Variants in TRRAP observed in about 807,000 individuals in gnomAD.
TRRAP encodes transformation/transcription domain associated protein.
In TRRAP, 41 loss-of-function variants were observed where a neutral mutation model predicts 438.8. The observed-to-expected ratio is 0.09, with a 90% CI of 0.07 to 0.12. TRRAP has a LOEUF of 0.12. Among genes scored for constraint, TRRAP ranks in the 10% least tolerant of loss-of-function variants. The pLI is 1.00. For synonymous variants in TRRAP, 1,994 were observed against 1,962.9 expected (o/e 1.02, Z -0.42); for missense variants, 3,122 against 5,055.1 (o/e 0.62, Z 11.60).
chr7:98,916,034 C>A (rs1047305557), intron 19 of TRRAP, 146 bp downstream of exon 19: 10 of 1,095,126 alleles, frequency 9.1e-6, no homozygotes, highest in African/African-American at 1.6e-5. Context: ...CGCCCCCCTG[C>A]CCCCCTCCCC....
At chr7:99,008,639 G>A in intron 70 of TRRAP, 78 bp downstream of exon 70, 3 of 1,497,466 alleles carry the variant, frequency 2.0e-6, no homozygotes, top group South Asian at 1.2e-5. Flanking sequence ...AGACAGGGGT[G>A]TTTAGGAGAT....
intron 51 of TRRAP, among the ~76,000 whole-genome samples, chr7:98,968,612 G>C (rs921708657): frequency 6.6e-6 from 1 of 152,152 alleles, no homozygotes; most frequent in African/African-American, 2.4e-5. Flanking sequence ...GTGCTGTGCA[G>C]GTAGTTCTCG....
At position 98,981,976 on chromosome 7, in the gene TRRAP, C is replaced by T; in HGVS notation, c.8826+16C>T. 1 of 1,555,340 alleles carries T rather than the reference C, an allele frequency of 6.4e-7. No individual in the cohort carries two copies. The highest frequency in any genetic ancestry group is 8.7e-7 in the Non-Finnish European group (1 of 1,152,822). The stretch of plus-strand genomic sequence containing the variant: ...TCTCCTACAGGTGCGTGCGGTGCCC[C>T]CATGCGAGCACAGGCCTGTGGCCTG... On this transcript the variant is annotated intron_variant, in intron 59 of 72. Transcript: ENST00000456197.
chr7:98,934,261 G>T (rs140521747), intron 27 of TRRAP, among the ~76,000 whole-genome samples: 184 of 152,228 alleles, frequency 1.2e-3, no homozygotes, highest in African/African-American at 3.8e-3. Flanking sequence ...AGTATACCGC[G>T]GCAAAAATCA....
intron 14 of TRRAP, among the ~76,000 whole-genome samples, chr7:98,909,419 A>G (rs548481107): frequency 6.6e-6 from 1 of 152,256 alleles, no homozygotes; most frequent in Admixed American, 6.5e-5. Flanking sequence ...GGCTCCCCAG[A>G]TGCTTCACTT....
intron 67 of TRRAP, among the ~76,000 whole-genome samples, chr7:99,001,610 G>A (rs1429415551): frequency 6.6e-6 from 1 of 152,188 alleles, no homozygotes; most frequent in Admixed American, 6.5e-5. Context: ...TCAAAGTGCA[G>A]TGGGTCTCAG....
chr7:99,008,709 G>A (rs1377633898), intron 70 of TRRAP, 148 bp downstream of exon 70: 1 of 896,762 alleles, frequency 1.1e-6, no homozygotes, highest in Admixed American at 2.8e-5. Context: ...AGACTCATGA[G>A]ATGGTGGAAA....
chr7:98,946,889 A>G (rs1554417030), intron 33 of TRRAP, among the ~76,000 whole-genome samples: 5 of 152,234 alleles, frequency 3.3e-5, no homozygotes, highest in Admixed American at 6.5e-5. Flanking sequence ...GAATGTTATA[A>G]TTTCAGGATA....
Position 98,949,684 on chromosome 7 carries a change from G to A in TRRAP, c.4978G>A (p.Asp1660Asn), listed in dbSNP as rs1554417737. ...GATCATAAGCATTATAGTGAAAAAC[G>A]ATGACTCCTGGCTGGCCAGCCAGCA... ...IKIISIIVKNDDSWLASQHSL... is the reference protein window; with the variant it reads ...IKIISIIVKNNDSWLASQHSL... The change falls in exon 37 of 73, where the codon GAT (aspartate) becomes AAT (asparagine). Residue 1660 changes from aspartate to asparagine, a missense_variant. Coordinates refer to ENST00000456197, the MANE Select transcript of TRRAP (RefSeq NM_001375524.1). The A allele has an allele frequency of 7.4e-6, 12 of 1,613,468 alleles. No homozygotes were observed. Among genetic ancestry groups the A allele is most frequent in the South Asian group, 6.6e-5 (6 of 91,048 alleles).
chr7:98,955,733 G>C (rs1469500466), intron 41 of TRRAP, among the ~76,000 whole-genome samples: 2 of 152,184 alleles, frequency 1.3e-5, no homozygotes, highest in African/African-American at 4.8e-5. Flanking sequence ...ATTTGGGGTA[G>C]AAGAGAAAGG....
intron 29 of TRRAP, 26 bp downstream of exon 29, chr7:98,937,303 C>T (rs201398186): frequency 7.6e-5 from 121 of 1,600,190 alleles, no homozygotes; most frequent in Admixed American, 4.1e-4. Context: ...TGCGTGTATG[C>T]GCACGCGTGT....
intron 59 of TRRAP, 72 bp from the exon 60 acceptor site, chr7:98,983,192 G>A (rs1793008047): frequency 1.4e-6 from 2 of 1,382,666 alleles, no homozygotes; most frequent in East Asian, 2.5e-5. Context: ...GTCCCCAATG[G>A]ACTCTGGTGT....
intron 8 of TRRAP, among the ~76,000 whole-genome samples, chr7:98,898,280 CA>C (rs1329527457): frequency 1.3e-5 from 2 of 152,168 alleles, no homozygotes; most frequent in Non-Finnish European, 2.9e-5. Flanking sequence ...TTTCTGACTC[CA>C]AGAAAGTTAA....
In TRRAP at chr7:98,942,960, C is replaced by G; in HGVS notation, c.4416C>G (p.Arg1472=). 1 of 1,614,122 alleles carries G rather than the reference C, an allele frequency of 6.2e-7. No individual in the cohort carries two copies. Among genetic ancestry groups the G allele is most frequent in the Non-Finnish European group, 8.5e-7 (1 of 1,180,030 alleles). The change falls in exon 31 of 73, where the codon CGC becomes CGG. Residue 1472 remains arginine, a synonymous_variant. Coordinates refer to ENST00000456197, the MANE Select transcript of TRRAP (RefSeq NM_001375524.1). Reference sequence around the variant, plus strand: ...TGTTTTTCCAACAGCAACATCTGCGCAAGTGGATGGAAGTGGTGGTGATCA... The same window carrying G: ...TGTTTTTCCAACAGCAACATCTGCGGAAGTGGATGGAAGTGGTGGTGATCA... ...KFCDQMMQHL[R]KWMEVVVITH... is the part of the protein sequence containing the mutation.
In TRRAP at chr7:98,935,623, G is replaced by T. The variant is rs562913803; in HGVS notation, c.4059G>T (p.Leu1353=). 6.2e-6 allele frequency: 10 copies of T among 1,606,036 alleles called. No homozygotes were observed. The highest frequency in any genetic ancestry group is 2.7e-5 in the African/African-American group (2 of 74,976). The change falls in exon 28 of 73, where the codon CTG becomes CTT. Residue 1353 remains leucine, a synonymous_variant. Transcript: ENST00000456197. ...CTGAAGATTCAGCTTTAACAAAGCT[G>T]CCCTGTTATAAAAGCCTTCCGTCAC... is the stretch of plus-strand genomic sequence containing the variant. ...CEAEDSALTK[L]PCYKSLPSLV...
intron 67 of TRRAP, chr7:98,999,926 C>A: frequency 3.3e-6 from 1 of 299,392 alleles, no homozygotes; most frequent in South Asian, 7.7e-5. Context: ...CTTCTGACAA[C>A]ATTTAATTTT....
At position 98,910,389 on chromosome 7, in the gene TRRAP, T is replaced by G; in HGVS notation, c.1684T>G (p.Trp562Gly). Residue 562 changes from tryptophan (W) to glycine (G), a missense_variant, in exon 15 of 73, where the codon TGG becomes GGG. Trp to Gly is a radical substitution (Grantham distance 184). Coordinates refer to ENST00000456197, the MANE Select transcript of TRRAP (RefSeq NM_001375524.1). The stretch of plus-strand genomic sequence containing the variant: ...GGTGTGTGGTGTCAAGACAATCACG[T>G]GGGGCATAACATCATGCAAAGCACC... ...TLVCGVKTIT[W>G]GITSCKAPGE... The G allele has an allele frequency of 6.2e-7, 1 of 1,609,120 alleles. No homozygotes were observed. Among genetic ancestry groups the G allele is most frequent in the East Asian group, 2.2e-5 (1 of 44,870 alleles).
intron 65 of TRRAP, among the ~76,000 whole-genome samples, chr7:98,992,924 G>A (rs563273534): frequency 2.0e-5 from 3 of 152,184 alleles, no homozygotes; most frequent in African/African-American, 7.2e-5. Context: ...TTCATGTCTT[G>A]GTCATTTGAA....
chr7:98,884,493 C>T (rs1165456081), intron 3 of TRRAP, among the ~76,000 whole-genome samples: 1 of 152,128 alleles, frequency 6.6e-6, no homozygotes, highest in Non-Finnish European at 1.5e-5. Flanking sequence ...CCTCAGCCTC[C>T]CAAAGTGCTA....
Sources: allele counts gnomAD v4.1 joint callset (sites outside exome capture counted in the v4.1 genomes callset), GRCh38; gene constraint gnomAD v4.1.1; transcripts MANE v1.5; gene names NCBI Gene and HGNC (gene_info 2026-07-23, HGNC 2026-07-21).